The following PCDH15 variants were observed in gnomAD, a reference collection of about 807,000 sequenced individuals.
PCDH15 encodes protocadherin related 15.
Under a neutral mutation model 178.5 loss-of-function variants are expected in PCDH15, and 129 were observed. That is an observed-to-expected ratio of 0.72 (90% CI 0.63 to 0.84). PCDH15 has a LOEUF of 0.84. PCDH15 is among the 40% of genes least tolerant of loss of function. PCDH15 has a pLI of 0.00. For missense variants in PCDH15, 2,230 were observed against 2,099.9 expected, an observed-to-expected ratio of 1.06 and a Z score of -1.21; for synonymous variants, 800 against 732.0, an observed-to-expected ratio of 1.09 and a Z score of -1.50.
chr10:55,574,321 C>T (rs1842459103), intron 2 of PCDH15, among the ~76,000 whole-genome samples: 1 of 151,932 alleles, frequency 6.6e-6, no homozygotes, highest in African/African-American at 2.4e-5. Flanking sequence ...AACACTATTC[C>T]ATGGAGCAGA....
At chr10:55,306,469 C>T (rs780415207) in intron 1 of PCDH15, among the ~76,000 whole-genome samples, 21 of 152,086 alleles carry the variant, frequency 1.4e-4, no homozygotes, top group Non-Finnish European at 2.6e-4. Flanking sequence ...ATAAATCTCC[C>T]TCTTGGAGAG....
At chr10:55,162,759 TC>T (rs948600861) in intron 2 of PCDH15, among the ~76,000 whole-genome samples, 2 of 152,048 alleles carry the variant, frequency 1.3e-5, no homozygotes, top group Non-Finnish European at 2.9e-5. Context: ...CCAGATGTCT[TC>T]CTATTGTCAA....
rs1455298485 is a variant in PCDH15, at chr10:53,804,046, T to C, written c.*2533A>G. 1 of 152,014 alleles carries C rather than the reference T, an allele frequency of 6.6e-6. No homozygotes were observed. Among genetic ancestry groups the C allele is most frequent in the Non-Finnish European group, 1.5e-5 (1 of 67,912 alleles). 9.4% of individuals were successfully genotyped at this position (152,014 alleles called of 1,614,324 possible). On this transcript the variant is annotated 3_prime_UTR_variant, in exon 38 of 38. Transcript: ENST00000644397. ...GGGATTTATAGACTAGTGAAAGTTC[T>C]ATGAAAGTAACTATTTAATTGATCC... is the stretch of plus-strand genomic sequence containing the variant.
chr10:54,142,911 TTTTTG>T (rs2043542963), intron 14 of PCDH15, among the ~76,000 whole-genome samples: 1 of 152,150 alleles, frequency 6.6e-6, no homozygotes, highest in Non-Finnish European at 1.5e-5. Flanking sequence ...AAGGTAAATG[TTTTTG>T]TTTTATTATT....
At chr10:54,346,304 G>T in intron 6 of PCDH15, 61 bp downstream of exon 6, 3 of 1,526,932 alleles carry the variant, frequency 2.0e-6, no homozygotes, top group South Asian at 1.1e-5. Flanking sequence ...ACTATCAGCT[G>T]AAAAAATCAT....
chr10:53,886,189 G>C (rs181319591), intron 26 of PCDH15, among the ~76,000 whole-genome samples: 1 of 152,134 alleles, frequency 6.6e-6, no homozygotes, highest in Admixed American at 6.5e-5. Flanking sequence ...AGAGAGGAAC[G>C]AACCGTGCTC....
chr10:54,728,458 A>G (rs1010410291), intron 1 of PCDH15, among the ~76,000 whole-genome samples: 1 of 151,364 alleles, frequency 6.6e-6, no homozygotes, highest in East Asian at 1.9e-4. Flanking sequence ...ATAGCCTTCT[A>G]TTGACTGACC....
intron 3 of PCDH15, among the ~76,000 whole-genome samples, chr10:54,462,512 C>CTTTTTTTTTTTTTTTT (rs562731025): frequency 4.2e-4 from 28 of 66,872 alleles, no homozygotes; most frequent in African/African-American, 9.6e-4. Flanking sequence ...TTTTTCTTTT[C>CTTTTTTTTTTTTTTTT]TTTTTTTTTT....
chr10:55,365,557 A>G (rs1845333683), intron 2 of PCDH15, among the ~76,000 whole-genome samples: 1 of 152,084 alleles, frequency 6.6e-6, no homozygotes. Context: ...AACTCCCACA[A>G]TTCCTACATG....
At chr10:54,295,395 C>A (rs887617031) in intron 8 of PCDH15, among the ~76,000 whole-genome samples, 5 of 152,198 alleles carry the variant, frequency 3.3e-5, no homozygotes, top group Non-Finnish European at 5.9e-5. Flanking sequence ...GCCACCAGAG[C>A]CAGCAGCGTC....
intron 3 of PCDH15, among the ~76,000 whole-genome samples, chr10:54,478,182 C>G (rs1203520447): frequency 1.3e-5 from 2 of 152,032 alleles, no homozygotes; most frequent in Non-Finnish European, 2.9e-5. Context: ...GCACAAATAT[C>G]CTGCTTCTTT....
intron 2 of PCDH15, among the ~76,000 whole-genome samples, chr10:55,161,316 A>C (rs1364872777): frequency 6.6e-6 from 1 of 152,182 alleles, no homozygotes; most frequent in Non-Finnish European, 1.5e-5. Flanking sequence ...AGATTTAAGT[A>C]CAAAATCTAA....
At chr10:54,901,671 T>G (rs1385169800) in intron 2 of PCDH15, among the ~76,000 whole-genome samples, 1 of 152,138 alleles carries the variant, frequency 6.6e-6, no homozygotes, top group Non-Finnish European at 1.5e-5. Context: ...ATGTAGTCCT[T>G]ACATGACTCA....
At chr10:55,360,493 AC>A (rs1421737522) in intron 2 of PCDH15, among the ~76,000 whole-genome samples, 2 of 151,972 alleles carry the variant, frequency 1.3e-5, no homozygotes, top group African/African-American at 4.8e-5. Flanking sequence ...TATCTAGGAA[AC>A]ATATGTAACA....
In PCDH15 at chr10:55,499,276, C is replaced by T. The variant is rs184902154; in HGVS notation, c.-156+128349G>A. On this transcript the variant is annotated intron_variant, in intron 2 of 5. Coordinates refer to the PCDH15 transcript ENST00000613346. ...ATTTGACAGTAACAGAAAACTAATA[C>T]AATTTTCATATGATCTTTCATAGGA... Among the ~76,000 whole-genome samples the T allele has an allele frequency of 8.5e-4, 129 of 151,838 alleles. 1 individual carries two copies. Among genetic ancestry groups the T allele is most frequent in the Non-Finnish European group, 1.5e-4 (10 of 67,860 alleles).
intron 8 of PCDH15, among the ~76,000 whole-genome samples, chr10:54,271,011 G>A (rs2058015660): frequency 6.6e-6 from 1 of 152,032 alleles, no homozygotes; most frequent in East Asian, 1.9e-4. Flanking sequence ...AGAAAGAAAT[G>A]AGTTCATAAT....
intron 8 of PCDH15, among the ~76,000 whole-genome samples, chr10:54,274,842 A>T (rs978186010): frequency 6.6e-6 from 1 of 152,040 alleles, no homozygotes; most frequent in Admixed American, 6.6e-5. Context: ...GCAAATAAAG[A>T]ATAAATTGAA....
rs115419056 is a variant in PCDH15, at chr10:55,017,165, G to C, written c.-79-119665C>G. On this transcript the variant is annotated intron_variant, in intron 2 of 5. Transcript: ENST00000458638. ...CAAATCAACCAAATTTCAAAAGACA[G>C]ACAAATGTATTTGTGTAGTTCCTAC... Among the ~76,000 whole-genome samples, 926 of 152,178 alleles carry C rather than the reference G, an allele frequency of 6.1e-3. 11 individuals are homozygous for C. Among genetic ancestry groups the C allele is most frequent in the African/African-American group, 0.022 (900 of 41,536 alleles).
intron 2 of PCDH15, among the ~76,000 whole-genome samples, chr10:55,346,011 C>A (rs1030775683): frequency 4.0e-5 from 6 of 151,558 alleles, no homozygotes; most frequent in East Asian, 1.9e-4. Context: ...AAGACTATTT[C>A]AAAAAAAACT....
Sources: gnomAD v4.1 joint callset for allele counts (sites outside exome capture counted in the v4.1 genomes callset) on GRCh38, gnomAD v4.1.1 for gene constraint, MANE v1.5 for transcripts, NCBI Gene and HGNC (gene_info 2026-07-23, HGNC 2026-07-21) for gene names.